Variants in SLC36A3 observed in about 807,000 individuals in gnomAD.
SLC36A3 encodes the protein proton-coupled amino acid transporter 3.
A neutral mutation model predicts 44.3 loss-of-function variants in SLC36A3; 35 were observed. The ratio of observed to expected loss-of-function variants is 0.79; its 90% CI spans 0.60 to 1.05. The LOEUF (loss-of-function observed/expected upper bound fraction) is 1.05. Ranked by LOEUF, SLC36A3 falls within the 50% of genes least tolerant of loss-of-function variation. The pLI is 0.00. For synonymous variants in SLC36A3, 211 were observed against 227.6 expected, an observed-to-expected ratio of 0.93 and a Z score of 0.66; for missense variants, 540 against 578.7, an observed-to-expected ratio of 0.93 and a Z score of 0.69.
At chr5:151,303,027 C>T (rs1353924683) in intron 1 of SLC36A3, among the ~76,000 whole-genome samples, 200 bp downstream of exon 1, 2 of 152,126 alleles carry the variant, frequency 1.3e-5, no homozygotes, top group Admixed American at 6.5e-5. Flanking sequence ...CTGGGTTCTT[C>T]GTAAAAACTG....
At chr5:151,280,931 G>C in intron 9 of SLC36A3, 83 bp downstream of exon 9, 1 of 1,543,396 alleles carries the variant, frequency 6.5e-7, no homozygotes, top group Non-Finnish European at 8.9e-7. Context: ...AAGGCAAGTG[G>C]CAGATCCAAT....
intron 1 of SLC36A3, among the ~76,000 whole-genome samples, chr5:151,301,431 A>G (rs1755161924): frequency 6.6e-6 from 1 of 152,092 alleles, no homozygotes; most frequent in Admixed American, 6.6e-5. Context: ...CTGCACTCTG[A>G]TGGACCATCT....
Position 151,288,588 on chromosome 5 carries a change from T to A in SLC36A3, c.405-118A>T, listed in dbSNP as rs945743309. On this transcript the variant is annotated intron_variant, in intron 4 of 9. Coordinates refer to ENST00000335230, the MANE Select transcript of SLC36A3 (RefSeq NM_181774.4). ...TATTATTTTTAAAAATTTCCCTACTTTCTTTTATTTTGAAAAATTTTTAAG... is the reference window on the plus strand; with the variant it reads ...TATTATTTTTAAAAATTTCCCTACTATCTTTTATTTTGAAAAATTTTTAAG... 11 of 897,800 alleles carry A rather than the reference T, an allele frequency of 1.2e-5. No individual in the cohort carries two copies. In the African/African-American group the frequency reaches 1.9e-4, roughly 15 times the overall value. 55.6% of individuals were successfully genotyped at this position (897,800 alleles called of 1,614,324 possible).
chr5:151,296,814 C>A (rs1166000759), intron 2 of SLC36A3: 1 of 155,184 alleles, frequency 6.4e-6, no homozygotes, highest in East Asian at 1.9e-4. Context: ...TTGTGGCAAC[C>A]AAAAATGTCT....
intron 6 of SLC36A3, among the ~76,000 whole-genome samples, chr5:151,286,960 A>C (rs1754556822): frequency 6.6e-6 from 1 of 152,170 alleles, no homozygotes; most frequent in Non-Finnish European, 1.5e-5. Context: ...CCCCTTGCAC[A>C]ATGCCTGGAT....
intron 3 of SLC36A3, among the ~76,000 whole-genome samples, chr5:151,295,393 G>T: frequency 6.6e-6 from 1 of 152,226 alleles, no homozygotes; most frequent in East Asian, 1.9e-4. Flanking sequence ...TACGGAATGA[G>T]TAAATGCTCT....
intron 7 of SLC36A3, 117 bp from the exon 8 acceptor site, chr5:151,284,327 A>G (rs1446006467): frequency 4.9e-6 from 5 of 1,025,730 alleles, no homozygotes; most frequent in Non-Finnish European, 7.2e-6. Context: ...CAGTATCAGA[A>G]AGGGGACTCT....
intron 6 of SLC36A3, among the ~76,000 whole-genome samples, chr5:151,285,390 A>G (rs1754497761): frequency 6.6e-6 from 1 of 152,228 alleles, no homozygotes; most frequent in Admixed American, 6.5e-5. Context: ...GGAATTGCCC[A>G]AGGTCACTAT....
intron 3 of SLC36A3, among the ~76,000 whole-genome samples, chr5:151,295,354 C>A (rs1384066426): frequency 6.6e-6 from 1 of 152,188 alleles, no homozygotes; most frequent in African/African-American, 2.4e-5. Flanking sequence ...GGCACGATAA[C>A]CGCAGTGTAA....
chr5:151,299,250 CTCTCTCTCTCTCTCTATATA>C lies in SLC36A3; in HGVS notation c.129-587_129-568del, dbSNP rs1297062458. 7.6e-3 allele frequency among the ~76,000 whole-genome samples: 731 copies of C among 96,068 alleles called. 4 individuals carry two copies. The highest frequency in any genetic ancestry group is 0.018 in the African/African-American group (430 of 23,348). The allele number at this position is 96,068 out of a possible 152,430, so 63.0% of individuals were successfully genotyped here. On this transcript the variant is annotated intron_variant, in intron 1 of 9. Transcript: ENST00000335230. ...GCTCTCTCTCTCTCTCTCTCTCTCTCTCTCTCTCTCTCTCTATATATATATATATATATATATATATGAAA... is the reference window on the plus strand; with the variant it reads ...GCTCTCTCTCTCTCTCTCTCTCTCTCTATATATATATATATATATATGAAA...
At position 151,277,283 on chromosome 5, in the gene SLC36A3, G is replaced by A. The variant is rs141710259; in HGVS notation, c.*110C>T. The A allele has an allele frequency of 5.9e-4, 806 of 1,366,742 alleles. 6 individuals are homozygous for A. The African/African-American group carries it at 0.011, about 18-fold the overall frequency. 84.7% of individuals were successfully genotyped at this position (1,366,742 alleles called of 1,614,324 possible). On this transcript the variant is annotated 3_prime_UTR_variant, in exon 10 of 10. Transcript: ENST00000335230. Reference sequence around the variant, plus strand: ...GCATTTCTCTTGGAAAGATAAAGACGCCACTAATTAATATAGAGATGTTGG... The same window carrying A: ...GCATTTCTCTTGGAAAGATAAAGACACCACTAATTAATATAGAGATGTTGG...
chr5:151,301,520 C>T lies in SLC36A3; in HGVS notation c.128+1707G>A, dbSNP rs181280656. ...AACAGAAAACAGCAAGAAAAACTCA[C>T]TTCGAGCCCCTGTGATTCCATCTCC... On this transcript the variant is annotated intron_variant, in intron 1 of 9. Transcript: ENST00000335230. Among the ~76,000 whole-genome samples the T allele has an allele frequency of 2.2e-3, 333 of 152,256 alleles. 1 individual carries two copies. The highest frequency in any genetic ancestry group is 7.4e-3 in the African/African-American group (308 of 41,536).
chr5:151,288,368 C>T lies in SLC36A3; in HGVS notation c.489+18G>A. On this transcript the variant is annotated intron_variant, in intron 5 of 9. Coordinates refer to ENST00000335230, the MANE Select transcript of SLC36A3 (RefSeq NM_181774.4). ...AGGTCTGCTTTTCCCCCACTCTGCC[C>T]AGAAGAGGGCTCTTTACCTGTTGTA... 4 of 1,582,798 alleles carry T rather than the reference C, an allele frequency of 2.5e-6. No individual in the cohort carries two copies. Among genetic ancestry groups the T allele is most frequent in the Non-Finnish European group, 2.6e-6 (3 of 1,162,578 alleles).
intron 9 of SLC36A3, among the ~76,000 whole-genome samples, chr5:151,279,313 T>C (rs1409997470): frequency 6.6e-6 from 1 of 152,190 alleles, no homozygotes; most frequent in Non-Finnish European, 1.5e-5. Context: ...TGCAATGCAC[T>C]GTAATTATTT....
chr5:151,295,609 C>T (rs1167089337), intron 3 of SLC36A3, among the ~76,000 whole-genome samples: 2 of 152,210 alleles, frequency 1.3e-5, no homozygotes, highest in African/African-American at 4.8e-5. Context: ...CTGTGGATCT[C>T]TGCATTCTTT....
intron 9 of SLC36A3, among the ~76,000 whole-genome samples, chr5:151,280,541 C>T (rs896100242): frequency 6.6e-6 from 1 of 152,212 alleles, no homozygotes; most frequent in Admixed American, 6.5e-5. Context: ...CTTTATGATA[C>T]AGGACTTGTT....
intron 4 of SLC36A3, among the ~76,000 whole-genome samples, chr5:151,292,992 C>A (rs182694668): frequency 2.0e-4 from 31 of 151,756 alleles, no homozygotes; most frequent in Non-Finnish European, 3.4e-4. Context: ...CCCTCCCCCC[C>A]CAAAAATGAG....
intron 7 of SLC36A3, 65 bp from the exon 8 acceptor site, chr5:151,284,275 A>C (rs1478389835): frequency 1.0e-5 from 15 of 1,497,918 alleles, no homozygotes; most frequent in Non-Finnish European, 9.9e-6. Flanking sequence ...TGTGAAGGAG[A>C]GGGTTCCCGT....
chr5:151,293,884 C>T (rs1420183184), intron 3 of SLC36A3, among the ~76,000 whole-genome samples: 1 of 141,836 alleles, frequency 7.1e-6, no homozygotes, highest in Non-Finnish European at 1.5e-5. Context: ...AAAGGTGATA[C>T]TCGGGATCCT....
Sources: gnomAD v4.1 joint callset for allele counts (sites outside exome capture counted in the v4.1 genomes callset) on GRCh38, gnomAD v4.1.1 for gene constraint, MANE v1.5 for transcripts, NCBI Gene and HGNC (gene_info 2026-07-23, HGNC 2026-07-21) for gene names.